The following FRMD8 variants were observed in gnomAD, a reference collection of about 807,000 sequenced individuals.
The protein encoded by FRMD8 is FERM domain containing 8.
Under a neutral mutation model 54.2 loss-of-function variants are expected in FRMD8, and 37 were observed. That is an observed-to-expected ratio of 0.68 (90% CI 0.53 to 0.90). FRMD8 has a LOEUF of 0.90. Among genes scored for constraint, FRMD8 ranks in the 40% least tolerant of loss-of-function variants. The probability of loss-of-function intolerance (pLI) is 0.00; values close to 1 mark genes in which losing one functional copy is unlikely to be tolerated. For synonymous variants in FRMD8, 246 were observed against 286.9 expected (o/e 0.86, Z 1.44); for missense variants, 585 against 653.7 (o/e 0.89, Z 1.15).
At chr11:65,376,511 G>T in the FRMD8 span, 1 of 1,614,212 alleles carries the variant, frequency 6.2e-7, no homozygotes, top group African/African-American at 1.3e-5. Context: ...AAGACTCCCA[G>T]TCCTTCCTGC....
the FRMD8 span, among the ~76,000 whole-genome samples, chr11:65,374,636 G>C: frequency 6.6e-6 from 1 of 152,136 alleles, no homozygotes; most frequent in East Asian, 1.9e-4. Flanking sequence ...TCAGTTAAAA[G>C]AACCCTCTCA....
chr11:65,379,078 A>C, the FRMD8 span: 1 of 402,830 alleles, frequency 2.5e-6, no homozygotes, highest in Non-Finnish European at 4.5e-6. Context: ...CACAGCTCTG[A>C]GGCTGGCAGA....
At chr11:65,399,430 C>G (rs999857022) in intron 7 of FRMD8, among the ~76,000 whole-genome samples, 1 of 152,166 alleles carries the variant, frequency 6.6e-6, no homozygotes, top group East Asian at 1.9e-4. Context: ...AGCCCTGGCC[C>G]CCAGACCAAG....
chr11:65,402,312 C>T (rs144533371), intron 9 of FRMD8, among the ~76,000 whole-genome samples: 448 of 151,850 alleles, frequency 3.0e-3, no homozygotes, highest in African/African-American at 0.01. Flanking sequence ...CGAGATGGTG[C>T]CACTGCACTC....
the FRMD8 span, chr11:65,379,322 A>T: frequency 6.3e-7 from 1 of 1,589,498 alleles, no homozygotes; most frequent in African/African-American, 1.3e-5. Flanking sequence ...GAGAGGACAG[A>T]TCGAGATGAC....
chr11:65,382,803 T>A (rs1855641543), upstream of FRMD8: 1 of 152,344 alleles, frequency 6.6e-6, no homozygotes, highest in African/African-American at 2.4e-5. This position sits in a 1 kb window ranked among gnomAD's most constrained non-coding sequence, Gnocchi z 4.4. Context: ...GCCTGTGGAC[T>A]GGCTCTTCCC....
At chr11:65,372,455 G>C in the FRMD8 span, among the ~76,000 whole-genome samples, 1 of 152,100 alleles carries the variant, frequency 6.6e-6, no homozygotes, top group African/African-American at 2.4e-5. Flanking sequence ...ACCTGAGTCT[G>C]GCCACTCTCT....
the FRMD8 span, among the ~76,000 whole-genome samples, chr11:65,372,776 C>T: frequency 6.6e-6 from 1 of 152,198 alleles, no homozygotes; most frequent in Non-Finnish European, 1.5e-5. Context: ...CTCCTGCCTA[C>T]TTCCTGCACT....
Position 65,407,831 on chromosome 11 carries a change from C to T in FRMD8, c.1276+2763C>T, listed in dbSNP as rs534817036. 5.4e-3 allele frequency among the ~76,000 whole-genome samples: 780 copies of T among 143,832 alleles called. 2 individuals carry two copies. Among genetic ancestry groups the T allele is most frequent in the African/African-American group, 0.019 (750 of 38,978 alleles). 94.4% of individuals were successfully genotyped at this position (143,832 alleles called of 152,430 possible). On this transcript the variant is annotated intron_variant, in intron 10 of 10. Coordinates refer to ENST00000317568, the MANE Select transcript of FRMD8 (RefSeq NM_031904.5). ...CCTGGGAGGCGGAGCTTGCAGTGAG[C>T]GGAGATCGCGCCACTGCACTCCAGC...
chr11:65,379,251 C>T, the FRMD8 span: 2 of 1,121,748 alleles, frequency 1.8e-6, no homozygotes, highest in Non-Finnish European at 2.6e-6. Flanking sequence ...ATAGCACAGG[C>T]CTCTTGTTCC....
In FRMD8 at chr11:65,394,299, C is replaced by A. The variant is rs1289016072; in HGVS notation, c.455C>A (p.Ala152Asp). Residue 152 changes from alanine (A) to aspartate (D), a missense_variant, in exon 6 of 11, where the codon GCC (alanine) becomes GAC (aspartate). Ala to Asp is a moderately radical substitution (Grantham distance 126). Coordinates refer to ENST00000317568, the MANE Select transcript of FRMD8 (RefSeq NM_031904.5). ...EEVLRLLYEE[A>D]KGNVLAARYP... The stretch of plus-strand genomic sequence containing the variant: ...GTCCTGCGGCTGCTCTATGAGGAGG[C>A]CAAGGGCAACGTGCTGGCTGCACGG... The A allele has an allele frequency of 5.6e-6, 9 of 1,593,942 alleles. No individual in the cohort carries two copies. The highest frequency in any genetic ancestry group is 7.7e-6 in the Non-Finnish European group (9 of 1,170,598).
chr11:65,377,378 G>A, the FRMD8 span: 1 of 1,240,580 alleles, frequency 8.1e-7, no homozygotes, highest in Non-Finnish European at 1.0e-6. Flanking sequence ...TCTTTTTGCA[G>A]GAGCAGGTTG....
At position 65,404,787 on chromosome 11, in the gene FRMD8, G is replaced by A. The variant is rs1856154470; in HGVS notation, c.1072-77G>A. The A allele has an allele frequency of 3.9e-6, 5 of 1,268,240 alleles. No individual in the cohort carries two copies. The South Asian group carries it at 5.3e-5, about 13-fold the overall frequency. The allele number at this position is 1,268,240 out of a possible 1,614,324, so 78.6% of individuals were successfully genotyped here. A position where few individuals can be genotyped will look rare whatever the true frequency, so the allele number is the denominator to read the frequency against. ...CCTCCCCTGCTTCCCCAACCAGAGAGCAGAGCTCATTTCAGGCTCAGCAAC... is the reference window on the plus strand; with the variant it reads ...CCTCCCCTGCTTCCCCAACCAGAGAACAGAGCTCATTTCAGGCTCAGCAAC... On this transcript the variant is annotated intron_variant, in intron 9 of 10. Transcript: ENST00000317568. This position sits in a 1 kb window ranked among gnomAD's most constrained non-coding sequence, Gnocchi z 4.7.
chr11:65,396,739 T>TC (rs897578187), intron 6 of FRMD8, 60 bp from the exon 7 acceptor site: 3 of 1,164,698 alleles, frequency 2.6e-6, no homozygotes, highest in African/African-American at 3.2e-5. Flanking sequence ...TCCCTCGCCC[T>TC]CCCCCGTGAG....
rs539950410 is a variant in FRMD8, at chr11:65,396,935, G to T, written c.718G>T (p.Val240Phe). The stretch of plus-strand genomic sequence containing the variant: ...GAACGCCTACCGCCAGGTGCAGGAG[G>T]TCAGCAGCGACGGCGGGTGCGAGGC... ...LLNAYRQVQE[V>F]SSDGGCEAAL... is the part of the protein sequence containing the mutation. The change falls in exon 7 of 11, where the codon GTC becomes TTC. Residue 240 changes from valine to phenylalanine, a missense_variant. Transcript: ENST00000317568. The T allele has an allele frequency of 3.9e-6, 6 of 1,546,194 alleles. No homozygotes were observed. In the South Asian group the frequency reaches 7.2e-5, roughly 19 times the overall value.
In FRMD8 at chr11:65,393,979, C is replaced by T. The variant is rs184521656; in HGVS notation, c.356-62C>T. On this transcript the variant is annotated intron_variant, in intron 4 of 10. Transcript: ENST00000317568. The stretch of plus-strand genomic sequence containing the variant: ...GTTGGTGGCCAGGGCCTGGGCCAAT[C>T]GGGAGAGGGGAGGGCTAAGCAGAGT... 4.4e-4 allele frequency: 692 copies of T among 1,570,188 alleles called. 5 individuals carry two copies. In the East Asian group the frequency reaches 0.013, roughly 31 times the overall value.
In FRMD8 at chr11:65,407,673, G is replaced by C. The variant is rs182125439; in HGVS notation, c.1276+2605G>C. On this transcript the variant is annotated intron_variant, in intron 10 of 10. Coordinates refer to ENST00000317568, the MANE Select transcript of FRMD8 (RefSeq NM_031904.5). ...TGGGAGGCCAAGGTGGGCAGATCAC[G>C]AGGTCAGGAGATCGAGACCATCCTG... Among the ~76,000 whole-genome samples the C allele has an allele frequency of 5.3e-5, 8 of 151,986 alleles. No homozygotes were observed. In the East Asian group the frequency reaches 1.6e-3, roughly 30 times the overall value.
At chr11:65,382,341 T>G, upstream of FRMD8, 1 of 256,164 alleles carries the variant, frequency 3.9e-6, no homozygotes, top group Non-Finnish European at 7.9e-6. The surrounding 1 kb of genome is among the most constrained non-coding windows in gnomAD (Gnocchi z 4.4). Context: ...TCCACTCCCA[T>G]TCATCTCCAC....
At chr11:65,397,432 C>T (rs1438414817) in intron 7 of FRMD8, among the ~76,000 whole-genome samples, 2 of 152,184 alleles carry the variant, frequency 1.3e-5, no homozygotes, top group Admixed American at 6.5e-5. Flanking sequence ...TGGAGAGAGA[C>T]GAGAACACAG....
Sources: allele counts gnomAD v4.1 joint callset (sites outside exome capture counted in the v4.1 genomes callset), GRCh38; gene constraint gnomAD v4.1.1; non-coding constraint Gnocchi (gnomAD v3.1); transcripts MANE v1.5; gene names NCBI Gene and HGNC (gene_info 2026-07-23, HGNC 2026-07-21).